Variants in UST observed in about 807,000 individuals in gnomAD.
The protein encoded by UST is chondroitin sulfate 2-O-sulfotransferase.
A neutral mutation model predicts 45.6 loss-of-function variants in UST; 21 were observed. That is an observed-to-expected ratio of 0.46 (90% CI 0.33 to 0.66). The LOEUF (loss-of-function observed/expected upper bound fraction) is 0.66, where lower values mean the gene tolerates loss of function less well. UST is among the 30% of genes least tolerant of loss of function. UST has a pLI of 0.02. For synonymous variants in UST, 215 were observed against 200.6 expected (o/e 1.07, Z -0.61); for missense variants, 463 against 512.4 (o/e 0.90, Z 0.93).
chr6:149,036,165 T>C (rs1027201568), intron 7 of UST, among the ~76,000 whole-genome samples: 1 of 152,192 alleles, frequency 6.6e-6, no homozygotes, highest in Admixed American at 6.5e-5. Flanking sequence ...GATCCTAAGA[T>C]TGCCTGCCCC....
chr6:148,852,758 G>A (rs1033170176), intron 1 of UST, among the ~76,000 whole-genome samples: 11 of 151,898 alleles, frequency 7.2e-5, no homozygotes, highest in African/African-American at 2.2e-4. Flanking sequence ...TTTGCTGACC[G>A]CCCTGAGCCT....
At chr6:149,001,666 G>C (rs1042606587) in intron 5 of UST, among the ~76,000 whole-genome samples, 1 of 152,136 alleles carries the variant, frequency 6.6e-6, no homozygotes, top group Non-Finnish European at 1.5e-5. Flanking sequence ...GACACAGAGA[G>C]TTTCCTACTT....
chr6:148,913,286 C>G (rs542551910), intron 2 of UST, among the ~76,000 whole-genome samples: 1 of 152,096 alleles, frequency 6.6e-6, no homozygotes, highest in Non-Finnish European at 1.5e-5. Flanking sequence ...GACTGTGCAT[C>G]GGAAGGGTAG....
intron 1 of UST, among the ~76,000 whole-genome samples, chr6:148,782,618 T>G (rs990936881): frequency 3.3e-5 from 5 of 151,656 alleles, no homozygotes; most frequent in Non-Finnish European, 7.4e-5. Flanking sequence ...GCCCGGCTAA[T>G]TTTTGTATTT....
chr6:148,768,070 T>C (rs537585510), intron 1 of UST, among the ~76,000 whole-genome samples: 1 of 152,294 alleles, frequency 6.6e-6, no homozygotes, highest in Non-Finnish European at 1.5e-5. Flanking sequence ...TTAAACTGAT[T>C]TTACAAACCG....
At chr6:148,922,131 G>A (rs534682383) in intron 2 of UST, among the ~76,000 whole-genome samples, 4 of 152,244 alleles carry the variant, frequency 2.6e-5, no homozygotes, top group Admixed American at 2.0e-4. Flanking sequence ...CTTTTAAAGT[G>A]TACAATTCAG....
chr6:148,944,732 G>T (rs1780200473), intron 3 of UST, among the ~76,000 whole-genome samples: 1 of 152,080 alleles, frequency 6.6e-6, no homozygotes, highest in Non-Finnish European at 1.5e-5. Flanking sequence ...GCAGAGCATG[G>T]GCAATGGCTG....
At chr6:149,018,020 G>A (rs1038225068) in intron 5 of UST, among the ~76,000 whole-genome samples, 10 of 152,074 alleles carry the variant, frequency 6.6e-5, no homozygotes, top group Non-Finnish European at 1.3e-4. Flanking sequence ...GCCTCTCATG[G>A]TAAACTCAAG....
At chr6:148,992,894 CCTCTT>C (rs1372832258) in intron 5 of UST, 1 of 642,868 alleles carries the variant, frequency 1.6e-6, no homozygotes, top group Non-Finnish European at 1.9e-6. Context: ...AGTCTACAGA[CCTCTT>C]CTCAGAATGT....
At chr6:148,867,295 C>G (rs866709721) in intron 1 of UST, among the ~76,000 whole-genome samples, 2 of 127,568 alleles carry the variant, frequency 1.6e-5, no homozygotes, top group Non-Finnish European at 3.2e-5. Context: ...TACACACACA[C>G]ACACACACAC....
chr6:148,837,038 T>A (rs1777796936), intron 1 of UST, among the ~76,000 whole-genome samples: 1 of 152,232 alleles, frequency 6.6e-6, no homozygotes, highest in African/African-American at 2.4e-5. Context: ...ATTCCGTGGA[T>A]ATTTGAGGAA....
At chr6:148,869,783 A>G (rs1187039039) in intron 1 of UST, among the ~76,000 whole-genome samples, 6 of 152,218 alleles carry the variant, frequency 3.9e-5, no homozygotes, top group Admixed American at 6.5e-5. Flanking sequence ...TCCCTAAAGC[A>G]TGAGAAGAAT....
intron 1 of UST, among the ~76,000 whole-genome samples, chr6:148,766,624 TTGGTCATGCC>T (rs1165005912): frequency 6.6e-6 from 1 of 152,166 alleles, no homozygotes; most frequent in Non-Finnish European, 1.5e-5. Flanking sequence ...GAGGCAGTGA[TTGGTCATGCC>T]TGGATATGGT....
chr6:148,981,705 T>C (rs1002448964), intron 5 of UST, among the ~76,000 whole-genome samples: 1 of 152,266 alleles, frequency 6.6e-6, no homozygotes, highest in Non-Finnish European at 1.5e-5. Context: ...ATTCACAGTT[T>C]GAAAAATATA....
At chr6:149,063,880 A>T (rs898775268) in intron 7 of UST, among the ~76,000 whole-genome samples, 1 of 152,220 alleles carries the variant, frequency 6.6e-6, no homozygotes, top group African/African-American at 2.4e-5. Context: ...CCTGGTGGAG[A>T]TGTTAAGAAT....
At chr6:148,984,668 C>T (rs996071342) in intron 5 of UST, among the ~76,000 whole-genome samples, 3 of 152,152 alleles carry the variant, frequency 2.0e-5, no homozygotes, top group Non-Finnish European at 2.9e-5. Flanking sequence ...CCAAGTAGCT[C>T]GGGCTATAGG....
intron 7 of UST, among the ~76,000 whole-genome samples, chr6:149,042,557 G>A (rs935181998): frequency 1.3e-5 from 2 of 152,198 alleles, no homozygotes; most frequent in South Asian, 4.1e-4. Flanking sequence ...GCAGGGCCCT[G>A]AGGCAGGTCA....
At chr6:148,914,537 A>G (rs755319109) in intron 2 of UST, among the ~76,000 whole-genome samples, 5 of 152,202 alleles carry the variant, frequency 3.3e-5, no homozygotes, top group Non-Finnish European at 7.3e-5. Context: ...TATGTAGTCC[A>G]ATTTAATTTG....
intron 7 of UST, among the ~76,000 whole-genome samples, chr6:149,047,941 C>T (rs1776417229): frequency 6.6e-6 from 1 of 151,910 alleles, no homozygotes; most frequent in South Asian, 2.1e-4. Context: ...AGCACAAGCT[C>T]AGATAGACAA....
Sources: allele counts gnomAD v4.1 joint callset (sites outside exome capture counted in the v4.1 genomes callset), GRCh38; gene constraint gnomAD v4.1.1; transcripts MANE v1.5; gene names NCBI Gene and HGNC (gene_info 2026-07-23, HGNC 2026-07-21).